Variants in TMTC1 observed in about 807,000 individuals in gnomAD.
TMTC1 encodes the protein transmembrane O-mannosyltransferase targeting cadherins 1.
TMTC1 carries 73 observed loss-of-function variants against 104.8 expected under a neutral mutation model. That is an observed-to-expected ratio of 0.70 (90% CI 0.58 to 0.85). TMTC1 has a LOEUF of 0.85. Ranked by LOEUF, TMTC1 falls within the 40% of genes least tolerant of loss-of-function variation. TMTC1 has a pLI of 0.00. For synonymous variants in TMTC1, 434 were observed against 428.7 expected (o/e 1.01, Z -0.15); for missense variants, 1,035 against 1,096.1 (o/e 0.94, Z 0.79).
intron 5 of TMTC1, among the ~76,000 whole-genome samples, chr12:29,649,502 G>A (rs909444271): frequency 6.6e-6 from 1 of 152,192 alleles, no homozygotes; most frequent in African/African-American, 2.4e-5. Flanking sequence ...GGAAGAGAGG[G>A]TTCCTGTAGT....
Position 29,518,552 on chromosome 12 carries a change from A to T in TMTC1, c.1944T>A (p.Ser648Arg), listed in dbSNP as rs1175401474. The T allele has an allele frequency of 1.2e-6, 2 of 1,614,116 alleles. No homozygotes were observed. The highest frequency in any genetic ancestry group is 1.7e-6 in the Non-Finnish European group (2 of 1,179,990). Residue 648 changes from serine to arginine, a missense_variant, in exon 13 of 18, where the codon AGT (serine) becomes AGA (arginine). Ser to Arg is a moderately radical substitution (Grantham distance 110). Transcript: ENST00000539277. ...CCAAGTTCACCATGGCCACGTGATG[A>T]CTGGGGCTAAGTTTGATGGCCTGCT... ...HYQQAIKLSP[S>R]HHVAMVNLGR... is the part of the protein sequence containing the mutation.
chr12:29,562,118 C>T (rs901132333), intron 9 of TMTC1, among the ~76,000 whole-genome samples: 1 of 152,174 alleles, frequency 6.6e-6, no homozygotes, highest in African/African-American at 2.4e-5. Context: ...GACTAAATTG[C>T]ACTTGAGTAA....
At chr12:29,653,497 A>C (rs1939617386) in intron 5 of TMTC1, among the ~76,000 whole-genome samples, 1 of 152,194 alleles carries the variant, frequency 6.6e-6, no homozygotes, top group Admixed American at 6.5e-5. Flanking sequence ...GAACTTGCTT[A>C]TCAAAAGAAA....
chr12:29,597,213 CTT>C (rs1325711339), intron 7 of TMTC1, among the ~76,000 whole-genome samples: 1 of 143,640 alleles, frequency 7.0e-6, no homozygotes, highest in African/African-American at 2.7e-5. Context: ...CTTTTCTTTT[CTT>C]TTTCTTTTTC....
chr12:29,742,624 AG>A (rs1942856481), intron 5 of TMTC1, among the ~76,000 whole-genome samples: 1 of 152,238 alleles, frequency 6.6e-6, no homozygotes, highest in African/African-American at 2.4e-5. Flanking sequence ...TGTTTATTAA[AG>A]TGATGATATT....
chr12:29,700,906 C>T (rs1278062516), intron 5 of TMTC1, among the ~76,000 whole-genome samples: 1 of 152,072 alleles, frequency 6.6e-6, no homozygotes, highest in East Asian at 1.9e-4. Flanking sequence ...ATTGTCGTGA[C>T]AAGAAAGTGA....
At chr12:29,529,216 G>T (rs180851305) in intron 11 of TMTC1, among the ~76,000 whole-genome samples, 151 of 152,274 alleles carry the variant, frequency 9.9e-4, no homozygotes, top group African/African-American at 3.0e-3. Flanking sequence ...TATTAGGAAA[G>T]TGCATAAACC....
chr12:29,557,411 C>A (rs1238310282), intron 9 of TMTC1, among the ~76,000 whole-genome samples: 1 of 152,134 alleles, frequency 6.6e-6, no homozygotes, highest in African/African-American at 2.4e-5. Flanking sequence ...GCTGAGCGAT[C>A]CTTTGAGGAG....
chr12:29,763,883 G>A (rs1943406314), intron 2 of TMTC1, among the ~76,000 whole-genome samples: 1 of 152,182 alleles, frequency 6.6e-6, no homozygotes, highest in African/African-American at 2.4e-5. Context: ...TCTGGAAGGG[G>A]AGACCTAAGG....
chr12:29,641,274 G>A (rs1938837161), intron 5 of TMTC1: 1 of 152,472 alleles, frequency 6.6e-6, no homozygotes, highest in Non-Finnish European at 1.5e-5. Context: ...CCTCCTGGTA[G>A]GAGGCCAACC....
At chr12:29,689,248 C>T (rs1226282278) in intron 5 of TMTC1, among the ~76,000 whole-genome samples, 1 of 150,508 alleles carries the variant, frequency 6.6e-6, no homozygotes, top group East Asian at 2.0e-4. Context: ...AGCCATTTTG[C>T]TTAAGCCACT....
At position 29,525,385 on chromosome 12, in the gene TMTC1, C is replaced by T. The variant is rs548206476; in HGVS notation, c.1786-4665G>A. Among the ~76,000 whole-genome samples, 5 of 151,764 alleles carry T rather than the reference C, an allele frequency of 3.3e-5. No individual in the cohort carries two copies. In the South Asian group the frequency reaches 8.4e-4, roughly 25 times the overall value. ...ATTTTTAGTAGAGACAGGGTTTCAC[C>T]ATGTTGGCCAGGCTGGTCTCGAACT... On this transcript the variant is annotated intron_variant, in intron 11 of 17. Coordinates refer to ENST00000539277, the MANE Select transcript of TMTC1 (RefSeq NM_001193451.2).
At chr12:29,784,690 G>C (rs1300546379), upstream of TMTC1, 1 of 152,204 alleles carries the variant, frequency 6.6e-6, no homozygotes, top group Non-Finnish European at 1.5e-5. Flanking sequence ...ATTGTCTTCT[G>C]AAACATTTCT....
At chr12:29,590,413 C>G (rs964504929) in intron 7 of TMTC1, among the ~76,000 whole-genome samples, 1 of 152,174 alleles carries the variant, frequency 6.6e-6, no homozygotes, top group Non-Finnish European at 1.5e-5. Flanking sequence ...CACTAATCAG[C>G]GTGATTCAAT....
At chr12:29,780,903 T>G (rs1199392866) in intron 1 of TMTC1, among the ~76,000 whole-genome samples, 1 of 152,240 alleles carries the variant, frequency 6.6e-6, no homozygotes, top group African/African-American at 2.4e-5. Context: ...AAGCATAATT[T>G]AAGATACAGT....
In TMTC1 at chr12:29,643,849, A is replaced by ATATATATT. The variant is rs1173261493; in HGVS notation, c.939-10521_939-10514dup. Reference sequence around the variant, plus strand: ...TATATTTATATATATTTATATATTTATATATATTTATATATATTTTTATAT... The same window carrying ATATATATT: ...TATATTTATATATATTTATATATTTATATATATTTATATATTTATATATATTTTTATAT... On this transcript the variant is annotated intron_variant, in intron 5 of 17. Coordinates refer to ENST00000539277, the MANE Select transcript of TMTC1 (RefSeq NM_001193451.2). Among the ~76,000 whole-genome samples, 90 of 71,036 alleles carry ATATATATT rather than the reference A, an allele frequency of 1.3e-3. 2 individuals carry two copies. Among genetic ancestry groups the ATATATATT allele is most frequent in the Admixed American group, 3.8e-3 (16 of 4,212 alleles). 46.6% of individuals were successfully genotyped at this position (71,036 alleles called of 152,430 possible). A position where few individuals can be genotyped will look rare whatever the true frequency, so the allele number is the denominator to read the frequency against.
At chr12:29,746,366 C>G (rs1237395455) in intron 5 of TMTC1, among the ~76,000 whole-genome samples, 1 of 152,172 alleles carries the variant, frequency 6.6e-6, no homozygotes, top group East Asian at 1.9e-4. Context: ...ATCAATAATA[C>G]AGGCTTTCAA....
intron 10 of TMTC1, among the ~76,000 whole-genome samples, chr12:29,544,720 G>A (rs1166473417): frequency 2.3e-4 from 35 of 152,184 alleles, no homozygotes; most frequent in Admixed American, 2.2e-3. Flanking sequence ...CAAGATTAAG[G>A]GAAAGTGTAA....
At chr12:29,534,971 G>A (rs935379573) in intron 11 of TMTC1, 3 of 152,220 alleles carry the variant, frequency 2.0e-5, no homozygotes, top group Non-Finnish European at 4.4e-5. Context: ...TCAGAAACCA[G>A]CATGATATGA....
Sources: allele counts gnomAD v4.1 joint callset (sites outside exome capture counted in the v4.1 genomes callset), GRCh38; gene constraint gnomAD v4.1.1; transcripts MANE v1.5; gene names NCBI Gene and HGNC (gene_info 2026-07-23, HGNC 2026-07-21).